SPIN1: variants seen among roughly 807,000 people sequenced by gnomAD.
The protein encoded by SPIN1 is spindlin-1.
In SPIN1, 3 loss-of-function variants were observed where a neutral mutation model predicts 26.0. The observed-to-expected ratio is 0.12, with a 90% CI of 0.05 to 0.30. The LOEUF is 0.30. SPIN1 is among the 10% of genes least tolerant of loss of function. The probability of loss-of-function intolerance (pLI) is 1.00; values close to 1 mark genes in which losing one functional copy is unlikely to be tolerated. For synonymous variants in SPIN1, 101 were observed against 116.5 expected (o/e 0.87, Z 0.86); for missense variants, 126 against 333.4 (o/e 0.38, Z 4.84).
chr9:88,394,290 T>C (rs1014167194), intron 1 of SPIN1, among the ~76,000 whole-genome samples: 1 of 152,234 alleles, frequency 6.6e-6, no homozygotes, highest in Non-Finnish European at 1.5e-5. Flanking sequence ...TGACACAAGA[T>C]GTCTAAGGTT....
intron 2 of SPIN1, among the ~76,000 whole-genome samples, chr9:88,448,568 C>T (rs368867725): frequency 2.6e-5 from 4 of 152,080 alleles, no homozygotes; most frequent in Non-Finnish European, 5.9e-5. Context: ...AGGCTGGTCT[C>T]GAACTCCTGG....
Position 88,388,502 on chromosome 9 carries a change from C to T in SPIN1, c.-195C>T, listed in dbSNP as rs1167063745. The T allele has an allele frequency of 1.4e-5, 2 of 147,918 alleles. No individual in the cohort carries two copies. Among genetic ancestry groups the T allele is most frequent in the Non-Finnish European group, 3.0e-5 (2 of 66,406 alleles). The allele number at this position is 147,918 out of a possible 1,614,324, so 9.2% of individuals were successfully genotyped here. A position where few individuals can be genotyped will look rare whatever the true frequency, so the allele number is the denominator to read the frequency against. ...GAGCGCGAACGAGCGACGGCGGAAC[C>T]CGTGGGCCTGTGGACTGCAGCCTCG... On this transcript the variant is annotated 5_prime_UTR_variant, in exon 1 of 6. Transcript: ENST00000375859.
chr9:88,474,768 A>G (rs1396774081), intron 5 of SPIN1, among the ~76,000 whole-genome samples: 1 of 152,190 alleles, frequency 6.6e-6, no homozygotes, highest in Non-Finnish European at 1.5e-5. Context: ...TCGGCAAACT[A>G]TGAAAAAAAG....
At chr9:88,461,229 T>C (rs975173724) in intron 3 of SPIN1, among the ~76,000 whole-genome samples, 1 of 152,188 alleles carries the variant, frequency 6.6e-6, no homozygotes, top group Non-Finnish European at 1.5e-5. Context: ...CAGAAGGGCT[T>C]TGTCTTTCTG....
intron 1 of SPIN1, chr9:88,410,589 G>A (rs751255368): frequency 8.0e-6 from 7 of 871,566 alleles, no homozygotes; most frequent in Non-Finnish European, 1.4e-5. Flanking sequence ...AGTAGCCACC[G>A]TGGTTTCATG....
At chr9:88,400,871 G>A (rs1181214132) in intron 1 of SPIN1, among the ~76,000 whole-genome samples, 2 of 151,972 alleles carry the variant, frequency 1.3e-5, no homozygotes, top group Non-Finnish European at 2.9e-5. Flanking sequence ...AAATTAGCCG[G>A]GTGTGGTGGC....
intron 1 of SPIN1, among the ~76,000 whole-genome samples, chr9:88,402,117 G>C (rs1827199912): frequency 1.3e-5 from 2 of 152,064 alleles, no homozygotes; most frequent in Admixed American, 1.3e-4. Flanking sequence ...TCAGCCTCCT[G>C]AGTAAGCTGG....
At chr9:88,457,815 C>T in intron 3 of SPIN1, 1 of 979,610 alleles carries the variant, frequency 1.0e-6, no homozygotes, top group Middle Eastern at 5.3e-4. Flanking sequence ...ACAGAATATA[C>T]ATGAGAAAAA....
intron 3 of SPIN1, among the ~76,000 whole-genome samples, chr9:88,459,228 A>G (rs1828530367): frequency 6.6e-6 from 1 of 152,206 alleles, no homozygotes; most frequent in South Asian, 2.1e-4. Flanking sequence ...TGGCTTAGAA[A>G]TCAAAAGAAG....
At chr9:88,437,105 T>A (rs1828018004) in intron 2 of SPIN1, among the ~76,000 whole-genome samples, 1 of 152,118 alleles carries the variant, frequency 6.6e-6, no homozygotes, top group African/African-American at 2.4e-5. Context: ...CATTTCTTTT[T>A]ATCACCAAAT....
At chr9:88,422,355 G>A (rs979210859) in intron 1 of SPIN1, among the ~76,000 whole-genome samples, 2 of 152,010 alleles carry the variant, frequency 1.3e-5, no homozygotes, top group Non-Finnish European at 2.9e-5. Context: ...CATTTACAAA[G>A]TTAATCACTT....
intron 2 of SPIN1, among the ~76,000 whole-genome samples, chr9:88,439,070 A>G (rs1456046583): frequency 6.6e-6 from 1 of 152,166 alleles, no homozygotes; most frequent in Non-Finnish European, 1.5e-5. Flanking sequence ...TTCTCACCTA[A>G]AAAAATAAAA....
chr9:88,441,490 G>T (rs1828128823), intron 2 of SPIN1, among the ~76,000 whole-genome samples: 1 of 150,390 alleles, frequency 6.6e-6, no homozygotes, highest in African/African-American at 2.5e-5. Flanking sequence ...GTATGCTGTG[G>T]CTCATGCCTA....
At chr9:88,439,761 C>T (rs1828080382) in intron 2 of SPIN1, among the ~76,000 whole-genome samples, 1 of 152,120 alleles carries the variant, frequency 6.6e-6, no homozygotes, top group Admixed American at 6.6e-5. Context: ...ACTTTTCTTC[C>T]TCCAAACTCT....
At chr9:88,388,740 G>C (rs891697095) in intron 1 of SPIN1, among the ~76,000 whole-genome samples, 2 of 148,936 alleles carry the variant, frequency 1.3e-5, no homozygotes, top group South Asian at 2.1e-4. Context: ...CCTGGGCCTC[G>C]GGGCGGGCGC....
rs190078432 is a variant in SPIN1 at position 88,446,936 on chromosome 9, G to A, written c.53-2005G>A. ...TTTTTGATCTTACTTTGGCTTTGTTGAGCTTGTTAGCTCTGTGGTTATATG... is the reference window on the plus strand; with the variant it reads ...TTTTTGATCTTACTTTGGCTTTGTTAAGCTTGTTAGCTCTGTGGTTATATG... On this transcript the variant is annotated intron_variant, in intron 2 of 5. Coordinates refer to ENST00000375859, the MANE Select transcript of SPIN1 (RefSeq NM_006717.3). Among the ~76,000 whole-genome samples, 682 of 152,260 alleles carry A rather than the reference G, an allele frequency of 4.5e-3. 5 individuals are homozygous for A. Among genetic ancestry groups the A allele is most frequent in the Non-Finnish European group, 6.7e-3 (455 of 68,024 alleles).
At chr9:88,410,266 G>C (rs1311812267) in intron 1 of SPIN1, among the ~76,000 whole-genome samples, 1 of 150,662 alleles carries the variant, frequency 6.6e-6, no homozygotes, top group Non-Finnish European at 1.5e-5. Context: ...CAGCATGGGT[G>C]CAAAAAAAAT....
At chr9:88,393,325 GT>G (rs888091539) in intron 1 of SPIN1, among the ~76,000 whole-genome samples, 1 of 149,338 alleles carries the variant, frequency 6.7e-6, no homozygotes, top group African/African-American at 2.5e-5. Flanking sequence ...CTTTGTAGTT[GT>G]TTATGCTTGG....
chr9:88,460,574 G>A (rs919378430), intron 3 of SPIN1, among the ~76,000 whole-genome samples: 1 of 152,168 alleles, frequency 6.6e-6, no homozygotes, highest in African/African-American at 2.4e-5. Flanking sequence ...GCCAAGCCTC[G>A]GGAAAGCTGG....
Sources: gnomAD v4.1 joint callset for allele counts (sites outside exome capture counted in the v4.1 genomes callset) on GRCh38, gnomAD v4.1.1 for gene constraint, MANE v1.5 for transcripts, NCBI Gene and HGNC (gene_info 2026-07-23, HGNC 2026-07-21) for gene names.